VPS13B: variants seen among roughly 807,000 people sequenced by gnomAD.
The protein encoded by VPS13B is vacuolar protein sorting 13 homolog B.
VPS13B carries 285 observed loss-of-function variants against 426.4 expected under a neutral mutation model. The observed-to-expected ratio is 0.67, with a 90% CI of 0.61 to 0.74. The LOEUF (loss-of-function observed/expected upper bound fraction) is 0.74. VPS13B is among the 30% of genes least tolerant of loss of function. VPS13B has a pLI of 0.00. For synonymous variants in VPS13B, 1,676 were observed against 1,676.4 expected (o/e 1.00, Z 0.01); for missense variants, 4,537 against 4,782.6 (o/e 0.95, Z 1.51).
intron 35 of VPS13B, among the ~76,000 whole-genome samples, chr8:99,694,872 C>G (rs1037244365): frequency 2.4e-4 from 37 of 151,940 alleles, no homozygotes; most frequent in African/African-American, 8.0e-4. Context: ...ACAACCCCAT[C>G]AAAAAGTGGG....
chr8:99,501,974 T>TGTCTGTC (rs751667230), intron 26 of VPS13B, 116 bp downstream of exon 26: 64 of 1,210,222 alleles, frequency 5.3e-5, no homozygotes, highest in East Asian at 1.0e-4. Context: ...TCTGTCTGTC[T>TGTCTGTC]TTCCGTCTGT....
At chr8:99,335,334 G>A (rs1810781323) in intron 19 of VPS13B, among the ~76,000 whole-genome samples, 1 of 151,904 alleles carries the variant, frequency 6.6e-6, no homozygotes, top group Non-Finnish European at 1.5e-5. Flanking sequence ...ATTTTTGAAG[G>A]GTTTTTTGTG....
chr8:99,063,093 A>G (rs528837572), intron 3 of VPS13B, among the ~76,000 whole-genome samples: 57 of 152,280 alleles, frequency 3.7e-4, no homozygotes, highest in Admixed American at 9.8e-4. Context: ...CAATCCATAA[A>G]TTGACTCTTC....
At chr8:99,756,508 A>G (rs1199944303) in intron 39 of VPS13B, among the ~76,000 whole-genome samples, 2 of 152,148 alleles carry the variant, frequency 1.3e-5, no homozygotes, top group Non-Finnish European at 2.9e-5. Flanking sequence ...AGCTCAATGA[A>G]CTCTACCTTA....
intron 39 of VPS13B, among the ~76,000 whole-genome samples, chr8:99,725,049 C>G (rs1833283945): frequency 6.6e-6 from 1 of 152,218 alleles, no homozygotes; most frequent in South Asian, 2.1e-4. Flanking sequence ...CCTCCCCACA[C>G]TTCAGAAGAG....
At position 99,582,437 on chromosome 8, in the gene VPS13B, C is replaced by T. The variant is rs536510013; in HGVS notation, c.5220+4804C>T. On this transcript the variant is annotated intron_variant, in intron 33 of 61. Coordinates refer to ENST00000357162, the MANE Select transcript of VPS13B (RefSeq NM_152564.5). ...TCTTGATTCCCTATTACCGTATTCA[C>T]TTGCTATTTGTTGTTAATAAGGGTT... is the stretch of plus-strand genomic sequence containing the variant. Among the ~76,000 whole-genome samples the T allele has an allele frequency of 3.3e-5, 5 of 152,276 alleles. No individual in the cohort carries two copies. In the South Asian group the frequency reaches 8.3e-4, roughly 25 times the overall value.
intron 19 of VPS13B, among the ~76,000 whole-genome samples, chr8:99,300,672 C>A (rs964242113): frequency 2.0e-5 from 3 of 152,088 alleles, no homozygotes; most frequent in Non-Finnish European, 2.9e-5. Flanking sequence ...ATTCTCTTCC[C>A]AGTTCCTTTT....
intron 39 of VPS13B, among the ~76,000 whole-genome samples, chr8:99,751,747 T>C (rs1810407723): frequency 1.3e-5 from 2 of 152,194 alleles, no homozygotes; most frequent in South Asian, 4.1e-4. Context: ...TGTGAAAAGT[T>C]AGAGTTTGAC....
intron 39 of VPS13B, among the ~76,000 whole-genome samples, chr8:99,729,589 A>T (rs182713895): frequency 2.5e-4 from 38 of 152,338 alleles, no homozygotes; most frequent in African/African-American, 8.7e-4. Flanking sequence ...AACTTCACAG[A>T]TTCTATAGTC....
chr8:99,737,641 A>C (rs1295203076), intron 39 of VPS13B, among the ~76,000 whole-genome samples: 1 of 152,238 alleles, frequency 6.6e-6, no homozygotes, highest in African/African-American at 2.4e-5. Flanking sequence ...TTAAACCAAA[A>C]GCGTGTATCA....
At chr8:99,813,787 A>G (rs753210220) in intron 44 of VPS13B, among the ~76,000 whole-genome samples, 3 of 152,240 alleles carry the variant, frequency 2.0e-5, no homozygotes, top group Non-Finnish European at 4.4e-5. Flanking sequence ...GCAAATTAAA[A>G]CAACAATGAC....
intron 28 of VPS13B, among the ~76,000 whole-genome samples, chr8:99,510,755 G>A (rs777744375): frequency 4.6e-5 from 7 of 152,112 alleles, no homozygotes; most frequent in Non-Finnish European, 1.0e-4. Flanking sequence ...CAAGTTATCT[G>A]CCCACCTTAG....
intron 30 of VPS13B, among the ~76,000 whole-genome samples, chr8:99,537,358 A>G (rs1008286227): frequency 4.6e-5 from 7 of 152,238 alleles, no homozygotes; most frequent in African/African-American, 1.4e-4. Context: ...ACGTTTACTT[A>G]TAATAATACT....
At chr8:99,566,662 T>G (rs1023054397) in intron 31 of VPS13B, among the ~76,000 whole-genome samples, 12 of 152,116 alleles carry the variant, frequency 7.9e-5, no homozygotes, top group African/African-American at 2.9e-4. Context: ...AGGCTGGTCT[T>G]GAACTCCTGA....
At chr8:99,743,481 T>A (rs1181754979) in intron 39 of VPS13B, among the ~76,000 whole-genome samples, 1 of 152,068 alleles carries the variant, frequency 6.6e-6, no homozygotes. Flanking sequence ...ACTTTAAAGT[T>A]CATATGGAAC....
chr8:99,228,861 T>C (rs145605643), intron 17 of VPS13B, among the ~76,000 whole-genome samples: 1 of 152,184 alleles, frequency 6.6e-6, no homozygotes, highest in African/African-American at 2.4e-5. Context: ...AGCAGATGAT[T>C]ATATTTGAAG....
intron 40 of VPS13B, among the ~76,000 whole-genome samples, chr8:99,773,313 A>G (rs1458062849): frequency 6.6e-6 from 1 of 152,194 alleles, no homozygotes; most frequent in Non-Finnish European, 1.5e-5. Context: ...TCATGGCGGA[A>G]GGCAAGGAGG....
intron 36 of VPS13B, among the ~76,000 whole-genome samples, chr8:99,710,275 A>C (rs1203147313): frequency 6.6e-6 from 1 of 152,204 alleles, no homozygotes; most frequent in African/African-American, 2.4e-5. Context: ...TCCATTGTTA[A>C]GAAGGTAGCT....
intron 2 of VPS13B, among the ~76,000 whole-genome samples, chr8:99,018,407 C>G (rs1841725370): frequency 6.6e-6 from 1 of 152,042 alleles, no homozygotes; most frequent in Admixed American, 6.6e-5. Context: ...ACAAAAAAAC[C>G]TCTATTTTTA....
Sources: allele counts gnomAD v4.1 joint callset (sites outside exome capture counted in the v4.1 genomes callset), GRCh38; gene constraint gnomAD v4.1.1; transcripts MANE v1.5; gene names NCBI Gene and HGNC (gene_info 2026-07-23, HGNC 2026-07-21).